ATG14: variants seen among roughly 807,000 people sequenced by gnomAD.
ATG14 encodes the protein autophagy related 14, also known as beclin 1-associated autophagy-related key regulator.
Under a neutral mutation model 60.4 loss-of-function variants are expected in ATG14, and 35 were observed. The observed-to-expected ratio is 0.58, with a 90% CI of 0.44 to 0.77. ATG14 has a LOEUF of 0.77. Ranked by LOEUF, ATG14 falls within the 30% of genes least tolerant of loss-of-function variation. ATG14 has a pLI of 0.00. For missense variants in ATG14, 647 were observed against 626.3 expected (o/e 1.03, Z -0.35); for synonymous variants, 234 against 228.8 (o/e 1.02, Z -0.21).
intron 1 of ATG14, among the ~76,000 whole-genome samples, chr14:55,408,654 C>G (rs10148229): frequency 0.05 from 7,675 of 152,170 alleles, 464 homozygotes; most frequent in East Asian, 0.28. Context: ...GCCTGTAGTC[C>G]CACCTACTCA....
Position 55,386,112 on chromosome 14 carries a change from C to T in ATG14, c.410-16G>A. On this transcript the variant is annotated splice_polypyrimidine_tract_variant and intron_variant, in intron 4 of 9. Transcript: ENST00000247178. ...CCTTCAGAATCTAAAATAAATAAAT[C>T]ACACCCAACAATTATCTCTGCAAAC... is the stretch of plus-strand genomic sequence containing the variant. 1 of 1,590,394 alleles carries T rather than the reference C, an allele frequency of 6.3e-7. No individual in the cohort carries two copies. Among genetic ancestry groups the T allele is most frequent in the South Asian group, 1.1e-5 (1 of 88,450 alleles).
In ATG14 at chr14:55,385,951, A is replaced by C. The variant is rs1188217040; in HGVS notation, c.555T>G (p.Ser185Arg). The C allele has an allele frequency of 3.7e-6, 6 of 1,613,978 alleles. No homozygotes were observed. The highest frequency in any genetic ancestry group is 5.1e-6 in the Non-Finnish European group (6 of 1,180,020). ...GAAGATTTGCCAGACGCTCATAATG[A>C]CTTCTTAAGTCAATGGTCTTTTTTT... ...LVEKKTIDLR[S>R]HYERLANLRR... The change falls in exon 5 of 10, where the codon AGT becomes AGG. Residue 185 changes from serine (S) to arginine (R), a missense_variant. Coordinates refer to ENST00000247178, the MANE Select transcript of ATG14 (RefSeq NM_014924.5).
intron 9 of ATG14, among the ~76,000 whole-genome samples, chr14:55,373,229 C>A (rs185500899): frequency 3.8e-4 from 58 of 152,106 alleles, no homozygotes; most frequent in Non-Finnish European, 1.2e-4. Flanking sequence ...TATTCAAGAC[C>A]CTGAACCAGG....
chr14:55,398,761 T>C (rs1434550223), intron 1 of ATG14, among the ~76,000 whole-genome samples: 1 of 152,158 alleles, frequency 6.6e-6, no homozygotes. Context: ...TATAAATGTC[T>C]TCTAGATCTG....
rs971227714 is a variant in ATG14, at chr14:55,366,553, T to C, written c.*3066A>G. ...TCTAACAGCATGCCACTGAATGCTC[T>C]TCCCCAAATTGAGTCCTTACATGAG... On this transcript the variant is annotated 3_prime_UTR_variant, in exon 10 of 10. Coordinates refer to ENST00000247178, the MANE Select transcript of ATG14 (RefSeq NM_014924.5). 1 of 152,576 alleles carries C rather than the reference T, an allele frequency of 6.6e-6. No individual in the cohort carries two copies. Among genetic ancestry groups the C allele is most frequent in the Admixed American group, 6.5e-5 (1 of 15,284 alleles). 9.5% of individuals were successfully genotyped at this position (152,576 alleles called of 1,614,324 possible).
At chr14:55,371,716 A>G (rs1306899920) in intron 9 of ATG14, among the ~76,000 whole-genome samples, 3 of 152,102 alleles carry the variant, frequency 2.0e-5, no homozygotes, top group African/African-American at 7.2e-5. Context: ...AGGCAGGAGA[A>G]CGGTGTGAAC....
chr14:55,376,084 C>T (rs1489025319), intron 9 of ATG14, among the ~76,000 whole-genome samples: 2 of 152,202 alleles, frequency 1.3e-5, no homozygotes, highest in African/African-American at 2.4e-5. Flanking sequence ...TACTGGTTAA[C>T]TGCATGAGTG....
At chr14:55,381,164 C>A (rs1402464445) in intron 6 of ATG14, among the ~76,000 whole-genome samples, 3 of 152,044 alleles carry the variant, frequency 2.0e-5, no homozygotes, top group East Asian at 3.9e-4. Flanking sequence ...CTACCTTTCT[C>A]CCCTGAGAAG....
rs759454411 is a variant in ATG14, at chr14:55,411,811, G to A, written c.12C>T (p.Pro4=). ...CCAGCGCCCGGGCTCCCTTCCCACT[G>A]GGAGACGCCATGATGGCCTGAGAGG... MAS[P]SGKGARALEA... Residue 4 remains proline (P), a synonymous_variant, in exon 1 of 10, where the codon CCC becomes CCT. Coordinates refer to ENST00000247178, the MANE Select transcript of ATG14 (RefSeq NM_014924.5). 8.2e-6 allele frequency: 13 copies of A among 1,594,808 alleles called. No homozygotes were observed. Among genetic ancestry groups the A allele is most frequent in the Non-Finnish European group, 1.1e-5 (13 of 1,171,508 alleles).
intron 1 of ATG14, among the ~76,000 whole-genome samples, chr14:55,400,339 G>A (rs1457472150): frequency 6.6e-6 from 1 of 152,138 alleles, no homozygotes; most frequent in Non-Finnish European, 1.5e-5. Flanking sequence ...GTGTGTGTAG[G>A]GGGATCCATA....
At position 55,380,673 on chromosome 14, in the gene ATG14, G is replaced by C; in HGVS notation, c.895C>G (p.Pro299Ala). Residue 299 changes from proline (P) to alanine (A), a missense_variant, in exon 7 of 10, where the codon CCT becomes GCT. Transcript: ENST00000247178. ...AGCGCAGCACTGATGGTGTAGGCAG[G>C]GTTACTCTGCTCCATGTCTGCAGTA... ...TQGPDMEQSN[P>A]AYTISAALCY... is the part of the protein sequence containing the mutation. 1 of 1,602,252 alleles carries C rather than the reference G, an allele frequency of 6.2e-7. No homozygotes were observed. The highest frequency in any genetic ancestry group is 8.5e-7 in the Non-Finnish European group (1 of 1,174,032).
intron 1 of ATG14, among the ~76,000 whole-genome samples, chr14:55,400,420 T>C (rs1885377755): frequency 6.6e-6 from 1 of 152,194 alleles, no homozygotes; most frequent in Non-Finnish European, 1.5e-5. Flanking sequence ...TGCCAGAACA[T>C]ATTGATCTAA....
intron 9 of ATG14, among the ~76,000 whole-genome samples, chr14:55,375,692 A>G (rs1488602988): frequency 6.6e-6 from 1 of 151,964 alleles, no homozygotes; most frequent in Non-Finnish European, 1.5e-5. Flanking sequence ...TATCCAGTTC[A>G]ATAATTATAC....
intron 2 of ATG14, 93 bp from the exon 3 acceptor site, chr14:55,396,075 TTAGAAATGGC>T: frequency 1.1e-6 from 1 of 916,758 alleles, no homozygotes. Flanking sequence ...AATTAAGTCC[TTAGAAATGGC>T]TAGAAATATC....
Position 55,367,399 on chromosome 14 carries a change from A to C in ATG14, c.*2220T>G, listed in dbSNP as rs1456004870. 1 of 152,268 alleles carries C rather than the reference A, an allele frequency of 6.6e-6. No individual in the cohort carries two copies. The highest frequency in any genetic ancestry group is 1.5e-5 in the Non-Finnish European group (1 of 68,074). The allele number at this position is 152,268 out of a possible 1,614,324, so 9.4% of individuals were successfully genotyped here. ...CTGGATGGGAAAATGGAAGCCCAGC[A>C]ATCAATCATGAAGCTGAGCACTTAA... On this transcript the variant is annotated 3_prime_UTR_variant, in exon 10 of 10. Coordinates refer to ENST00000247178, the MANE Select transcript of ATG14 (RefSeq NM_014924.5).
Position 55,391,175 on chromosome 14 carries a change from T to C in ATG14, c.328-183A>G, listed in dbSNP as rs111950722. 3.6e-3 allele frequency: 1,774 copies of C among 498,688 alleles called. 35 individuals are homozygous for C. Among genetic ancestry groups the C allele is most frequent in the African/African-American group, 0.033 (1,656 of 49,636 alleles). The allele number at this position is 498,688 out of a possible 1,614,324, so 30.9% of individuals were successfully genotyped here. ...AGAGAACGATGTTTTTCTAGTTCAA[T>C]GCAGAGAAAAGAGAAATTAGGCCAG... is the stretch of plus-strand genomic sequence containing the variant. On this transcript the variant is annotated intron_variant, in intron 3 of 9. Coordinates refer to ENST00000247178, the MANE Select transcript of ATG14 (RefSeq NM_014924.5).
rs773138557 is a variant in ATG14 at position 55,381,919 on chromosome 14, ACTCT to A, written c.877+39_877+42del. On this transcript the variant is annotated intron_variant, in intron 6 of 9. Transcript: ENST00000247178. ...TTTTGTTATGTCAATTTTACCTATA[ACTCT>A]CTCTATATATAGATTTCAAAGGATA... The A allele has an allele frequency of 1.9e-5, 29 of 1,536,100 alleles. 1 individual carries two copies. Among genetic ancestry groups the A allele is most frequent in the South Asian group, 3.4e-5 (3 of 88,362 alleles).
intron 3 of ATG14, among the ~76,000 whole-genome samples, chr14:55,391,794 G>A (rs1460299399): frequency 6.6e-6 from 1 of 152,082 alleles, no homozygotes; most frequent in East Asian, 1.9e-4. Context: ...CTCTAGTTCT[G>A]GTTACTGAGG....
At chr14:55,391,706 G>C (rs868813858) in intron 3 of ATG14, among the ~76,000 whole-genome samples, 3 of 152,114 alleles carry the variant, frequency 2.0e-5, no homozygotes, top group Non-Finnish European at 4.4e-5. Flanking sequence ...CATATGGCTA[G>C]TGGCTAATGG....
Sources: gnomAD v4.1 joint callset for allele counts (sites outside exome capture counted in the v4.1 genomes callset) on GRCh38, gnomAD v4.1.1 for gene constraint, MANE v1.5 for transcripts, NCBI Gene and HGNC (gene_info 2026-07-23, HGNC 2026-07-21) for gene names.